Variants in CCNJL observed in about 807,000 individuals in gnomAD.
CCNJL encodes cyclin J like, also known as cyclin-J-like protein.
Under a neutral mutation model 33.4 loss-of-function variants are expected in CCNJL, and 33 were observed. The ratio of observed to expected loss-of-function variants is 0.99; its 90% CI spans 0.75 to 1.32. The LOEUF is 1.32. Among genes scored for constraint, CCNJL ranks in the 40% most tolerant of loss-of-function variants. CCNJL has a pLI of 0.00. For synonymous variants in CCNJL, 227 were observed against 220.9 expected (o/e 1.03, Z -0.24); for missense variants, 512 against 499.7 (o/e 1.02, Z -0.23).
rs1217399140 is a variant in CCNJL at position 160,264,544 on chromosome 5, T to C, written c.281-4773A>G. On this transcript the variant is annotated intron_variant, in intron 3 of 5. Transcript: ENST00000257536. ...TGTGGATCCAGCTTACAGACTGGCTTTTTTTTTTTTAATTAGAAAAAACTT... is the reference window on the plus strand; with the variant it reads ...TGTGGATCCAGCTTACAGACTGGCTCTTTTTTTTTTAATTAGAAAAAACTT... Among the ~76,000 whole-genome samples the C allele has an allele frequency of 2.7e-5, 4 of 147,954 alleles. No individual in the cohort carries two copies. In the East Asian group the frequency reaches 7.8e-4, roughly 29 times the overall value.
chr5:160,297,348 T>C (rs1762776407), intron 2 of CCNJL, among the ~76,000 whole-genome samples: 1 of 151,984 alleles, frequency 6.6e-6, no homozygotes, highest in Non-Finnish European at 1.5e-5. Flanking sequence ...GCCAGAGCTC[T>C]GCCTTCCCCA....
chr5:160,253,902 T>C lies in CCNJL; in HGVS notation c.744-104A>G, dbSNP rs114822899. 4.5e-3 allele frequency: 3,819 copies of C among 856,242 alleles called. 106 individuals carry two copies. The African/African-American group carries it at 0.058, about 13-fold the overall frequency. 53.0% of individuals were successfully genotyped at this position (856,242 alleles called of 1,614,324 possible). A position where few individuals can be genotyped will look rare whatever the true frequency, so the allele number is the denominator to read the frequency against. ...AGTGGGACTGGAAGAGATGCGTGTG[T>C]CCTGTGTCCACCAGGCCTTACCTGG... On this transcript the variant is annotated intron_variant, in intron 5 of 5. Coordinates refer to ENST00000257536, the MANE Select transcript of CCNJL (RefSeq NM_001308173.3).
chr5:160,265,214 T>C (rs762183154), intron 3 of CCNJL, among the ~76,000 whole-genome samples: 1 of 152,226 alleles, frequency 6.6e-6, no homozygotes, highest in Non-Finnish European at 1.5e-5. Flanking sequence ...AGATGCCTAC[T>C]GATGGACCCA....
intron 1 of CCNJL, among the ~76,000 whole-genome samples, chr5:160,332,050 C>T (rs1763614173): frequency 6.6e-6 from 1 of 152,150 alleles, no homozygotes; most frequent in Non-Finnish European, 1.5e-5. Flanking sequence ...TTTCCCCTCC[C>T]TCTCTCCAAG....
intron 3 of CCNJL, among the ~76,000 whole-genome samples, chr5:160,278,731 A>T (rs1762102216): frequency 6.6e-6 from 1 of 152,110 alleles, no homozygotes; most frequent in Admixed American, 6.5e-5. Flanking sequence ...GGCCCCATGG[A>T]AATATAAGTC....
intron 3 of CCNJL, among the ~76,000 whole-genome samples, chr5:160,264,167 T>C (rs1761472047): frequency 2.6e-5 from 4 of 152,262 alleles, no homozygotes; most frequent in Admixed American, 1.3e-4. Flanking sequence ...TCAAGTGATC[T>C]GCCCGCCCCG....
intron 3 of CCNJL, among the ~76,000 whole-genome samples, chr5:160,274,666 G>C (rs1761950591): frequency 6.6e-6 from 1 of 152,166 alleles, no homozygotes; most frequent in Non-Finnish European, 1.5e-5. Flanking sequence ...CCAGCACGAA[G>C]GTCAGCACAG....
At chr5:160,335,965 T>C (rs1763679406) in intron 1 of CCNJL, among the ~76,000 whole-genome samples, 1 of 152,172 alleles carries the variant, frequency 6.6e-6, no homozygotes, top group African/African-American at 2.4e-5. Context: ...AACCACTTAC[T>C]TTTCAGTCCT....
At chr5:160,277,749 T>TTG (rs1488505233) in intron 3 of CCNJL, among the ~76,000 whole-genome samples, 75 of 150,796 alleles carry the variant, frequency 5.0e-4, no homozygotes, top group African/African-American at 1.7e-3. Flanking sequence ...TATCTGTTTT[T>TTG]TTTTTTTTTT....
At chr5:160,312,246 G>GC (rs1329810039) in intron 1 of CCNJL, 118 bp downstream of exon 1, 1 of 415,348 alleles carries the variant, frequency 2.4e-6, no homozygotes, top group Non-Finnish European at 4.4e-6. Flanking sequence ...AACTCCGCTA[G>GC]CTCGCTCGAG....
At chr5:160,253,828 G>A in intron 5 of CCNJL, 30 bp from the exon 6 acceptor site, 1 of 1,483,308 alleles carries the variant, frequency 6.7e-7, no homozygotes, top group Non-Finnish European at 8.9e-7. Context: ...GTGAGAACTG[G>A]AGGCCAAAAG....
intron 2 of CCNJL, among the ~76,000 whole-genome samples, chr5:160,286,594 T>A (rs1453960464): frequency 6.6e-6 from 1 of 151,934 alleles, no homozygotes; most frequent in Non-Finnish European, 1.5e-5. Context: ...GCCAATATTG[T>A]ACCACTGCAC....
At chr5:160,297,005 G>C (rs1337643819) in intron 2 of CCNJL, among the ~76,000 whole-genome samples, 1 of 152,150 alleles carries the variant, frequency 6.6e-6, no homozygotes, top group Non-Finnish European at 1.5e-5. Flanking sequence ...ATAAGTATAG[G>C]ACCTACTGGA....
intron 1 of CCNJL, among the ~76,000 whole-genome samples, chr5:160,337,929 C>T (rs12716360): frequency 0.48 from 72,660 of 151,880 alleles, 17,651 homozygotes; most frequent in Middle Eastern, 0.54. Context: ...CCCTCACCTC[C>T]GTTTAATTTT....
At chr5:160,284,613 T>C (rs182216438) in intron 2 of CCNJL, among the ~76,000 whole-genome samples, 65 of 152,318 alleles carry the variant, frequency 4.3e-4, no homozygotes, top group East Asian at 3.1e-3. Context: ...CTCCTGAAAG[T>C]GAGGCTTGAG....
chr5:160,281,905 C>T (rs1051215895), intron 2 of CCNJL, among the ~76,000 whole-genome samples: 2 of 152,196 alleles, frequency 1.3e-5, no homozygotes, highest in African/African-American at 4.8e-5. Flanking sequence ...TCCTTCCCAC[C>T]TTGGCCTCCT....
intron 1 of CCNJL, 53 bp from the exon 2 acceptor site, chr5:160,312,025 C>T: frequency 8.7e-7 from 1 of 1,143,674 alleles, no homozygotes. Flanking sequence ...GGCTCCGACC[C>T]CCGGTGTCCC....
intron 3 of CCNJL, among the ~76,000 whole-genome samples, chr5:160,278,813 T>C (rs1396708084): frequency 6.6e-6 from 1 of 152,138 alleles, no homozygotes; most frequent in Non-Finnish European, 1.5e-5. Flanking sequence ...GTGGCGCAAA[T>C]TTCTCCTGTG....
chr5:160,335,749 A>AATTT (rs72400835), intron 1 of CCNJL, among the ~76,000 whole-genome samples: 1 of 140,760 alleles, frequency 7.1e-6, no homozygotes, highest in South Asian at 2.2e-4. Context: ...TTTTTTTGAA[A>AATTT]TTTTTTTTTT....
Sources: allele counts gnomAD v4.1 joint callset (sites outside exome capture counted in the v4.1 genomes callset), GRCh38; gene constraint gnomAD v4.1.1; transcripts MANE v1.5; gene names NCBI Gene and HGNC (gene_info 2026-07-23, HGNC 2026-07-21).